The following MOV10L1 variants were observed in gnomAD, a reference collection of about 807,000 sequenced individuals.
MOV10L1 encodes the protein RNA helicase Mov10l1.
In MOV10L1, 110 loss-of-function variants were observed where a neutral mutation model predicts 143.8. The observed-to-expected ratio is 0.76, with a 90% CI of 0.66 to 0.90. MOV10L1 has a LOEUF of 0.90. MOV10L1 is among the 40% of genes least tolerant of loss of function. The pLI, the probability that MOV10L1 is intolerant of heterozygous loss-of-function variation, is 0.00. For missense variants in MOV10L1, 1,406 were observed against 1,526.8 expected, an observed-to-expected ratio of 0.92 and a Z score of 1.32; for synonymous variants, 593 against 581.1, an observed-to-expected ratio of 1.02 and a Z score of -0.29.
chr22:50,096,195 A>C (rs1281930013), intron 2 of MOV10L1: 1 of 152,224 alleles, frequency 6.6e-6, no homozygotes, highest in Non-Finnish European at 1.5e-5. Flanking sequence ...CCCATTAAAC[A>C]GTTATTCAGT....
In MOV10L1 at chr22:50,108,271, C is replaced by T. The variant is rs531786148; in HGVS notation, c.555+23C>T. ...AAGGTAGCGTGCCGACTAGTGGCTC[C>T]TCTCTGTGCTTCTGGCAGACCTGCC... On this transcript the variant is annotated intron_variant, in intron 4 of 26. Coordinates refer to ENST00000262794, the MANE Select transcript of MOV10L1 (RefSeq NM_018995.3). 1.1e-5 allele frequency: 17 copies of T among 1,590,650 alleles called. No homozygotes were observed. The African/African-American group carries it at 2.1e-4, about 20-fold the overall frequency.
intron 16 of MOV10L1, 21 bp from the exon 17 acceptor site, chr22:50,143,022 C>T (rs2063035156): frequency 2.5e-6 from 4 of 1,610,780 alleles, no homozygotes; most frequent in Non-Finnish European, 3.4e-6. Context: ...CTAACTGAAA[C>T]TTTCTTCACT....
At chr22:50,108,991 A>C in intron 5 of MOV10L1, 147 bp downstream of exon 5, 1 of 726,120 alleles carries the variant, frequency 1.4e-6, no homozygotes, top group Non-Finnish European at 2.2e-6. Context: ...CTAAAAGTAC[A>C]AAATTAGCTG....
rs371201252 is a variant in MOV10L1, at chr22:50,091,984, T to A, written c.98-17T>A. On this transcript the variant is annotated splice_polypyrimidine_tract_variant and intron_variant, in intron 1 of 26. Coordinates refer to ENST00000262794, the MANE Select transcript of MOV10L1 (RefSeq NM_018995.3). Reference sequence around the variant, plus strand: ...TGCTTTTATGGCCAAGATAACTTCTTTGTTTACCTACCTCAGGTGACACTA... The same window carrying A: ...TGCTTTTATGGCCAAGATAACTTCTATGTTTACCTACCTCAGGTGACACTA... 274 of 1,607,706 alleles carry A rather than the reference T, an allele frequency of 1.7e-4. 3 individuals are homozygous for A. The African/African-American group carries it at 3.0e-3, about 18-fold the overall frequency.
In MOV10L1 at chr22:50,111,938, CA is replaced by C. The variant is rs531464346; in HGVS notation, c.744-1709del. On this transcript the variant is annotated intron_variant, in intron 5 of 26. Transcript: ENST00000262794. ...GGGGAAAGCGTCTGCTTTCCAGCCC[CA>C]TATCTGGTGCCTGGCTGGGCCTCTG... 4.0e-4 allele frequency among the ~76,000 whole-genome samples: 61 copies of C among 152,338 alleles called. 1 individual carries two copies. The highest frequency in any genetic ancestry group is 1.4e-3 in the African/African-American group (59 of 41,590).
At chr22:50,142,328 ACCCT>A in intron 16 of MOV10L1, 139 bp downstream of exon 16, 1 of 571,928 alleles carries the variant, frequency 1.7e-6, no homozygotes, top group Non-Finnish European at 3.0e-6. Flanking sequence ...TGCCGTCTCC[ACCCT>A]GACTGGAGAC....
chr22:50,129,800 A>G (rs1312870424), intron 13 of MOV10L1, among the ~76,000 whole-genome samples: 1 of 152,168 alleles, frequency 6.6e-6, no homozygotes, highest in African/African-American at 2.4e-5. Flanking sequence ...CAAGGCTGAG[A>G]ATCTTCTTGT....
rs572749730 is a variant in MOV10L1, at chr22:50,090,622, T to C, written c.97+437T>C. ...CTTGTCTGGTTTTCAAGCCCATCTT[T>C]CTAAAGCCCGGGATGCGCCCGGATG... On this transcript the variant is annotated intron_variant, in intron 1 of 26. Coordinates refer to ENST00000262794, the MANE Select transcript of MOV10L1 (RefSeq NM_018995.3). 569 of 1,415,332 alleles carry C rather than the reference T, an allele frequency of 4.0e-4. 1 individual carries two copies. Among genetic ancestry groups the C allele is most frequent in the Non-Finnish European group, 4.3e-4 (442 of 1,023,404 alleles). The allele number at this position is 1,415,332 out of a possible 1,614,324, so 87.7% of individuals were successfully genotyped here.
rs774972595 is a variant in MOV10L1 at position 50,160,677 on chromosome 22, T to C, written c.3325-11T>C. The C allele has an allele frequency of 6.2e-7, 1 of 1,610,838 alleles. No homozygotes were observed. The highest frequency in any genetic ancestry group is 2.2e-5 in the East Asian group (1 of 44,832). ...CAAGTGCCATTTTTATTCATCTCTG[T>C]GTGCTTTTAGGTACGGTCAAATGAA... On this transcript the variant is annotated splice_polypyrimidine_tract_variant and intron_variant, in intron 24 of 26. Transcript: ENST00000262794.
chr22:50,114,762 C>T (rs1602194775), intron 7 of MOV10L1, 140 bp downstream of exon 7: 2 of 1,292,350 alleles, frequency 1.5e-6, no homozygotes, highest in Admixed American at 2.5e-5. Flanking sequence ...TCTTCGGCTT[C>T]AGGCCCTTCT....
intron 19 of MOV10L1, among the ~76,000 whole-genome samples, chr22:50,148,941 G>T (rs572384291): frequency 1.1e-4 from 16 of 152,344 alleles, no homozygotes; most frequent in African/African-American, 3.6e-4. Flanking sequence ...TGGCATTACA[G>T]GCGTGAGCCA....
chr22:50,124,834 G>A (rs2147218052), intron 10 of MOV10L1, among the ~76,000 whole-genome samples: 1 of 152,296 alleles, frequency 6.6e-6, no homozygotes, highest in East Asian at 1.9e-4. Flanking sequence ...TCTGTGCTGG[G>A]GCCTAGGAGC....
At chr22:50,098,561 G>A (rs62241085) in intron 2 of MOV10L1, among the ~76,000 whole-genome samples, 34,065 of 152,054 alleles carry the variant, frequency 0.22, 4,169 homozygotes, top group Admixed American at 0.35. Flanking sequence ...CAAATGTATG[G>A]AAATCTGATT....
At chr22:50,126,465 T>C (rs1014617305) in intron 12 of MOV10L1, among the ~76,000 whole-genome samples, 193 bp downstream of exon 12, 2 of 152,244 alleles carry the variant, frequency 1.3e-5, no homozygotes, top group Non-Finnish European at 2.9e-5. Context: ...TTTTCAACCA[T>C]GTAAAACATA....
intron 18 of MOV10L1, among the ~76,000 whole-genome samples, chr22:50,145,205 G>A (rs890867252): frequency 1.3e-5 from 2 of 152,226 alleles, no homozygotes; most frequent in African/African-American, 4.8e-5. Context: ...GCCTCCCAAA[G>A]TGTTGAGATT....
chr22:50,092,254 TTAATC>T lies in MOV10L1; in HGVS notation c.282+72_282+76del, dbSNP rs1459614953. 3.5e-6 allele frequency: 5 copies of T among 1,440,072 alleles called. No homozygotes were observed. In the African/African-American group the frequency reaches 7.0e-5, roughly 20 times the overall value. 89.2% of individuals were successfully genotyped at this position (1,440,072 alleles called of 1,614,324 possible). A position where few individuals can be genotyped will look rare whatever the true frequency, so the allele number is the denominator to read the frequency against. On this transcript the variant is annotated intron_variant, in intron 2 of 26. Coordinates refer to ENST00000262794, the MANE Select transcript of MOV10L1 (RefSeq NM_018995.3). Reference sequence around the variant, plus strand: ...GACTTTGTGTTGTTTTTCCTTGTGTTTAATCTATCAGACATGACCCGGCCAAGGGA... The same window carrying T: ...GACTTTGTGTTGTTTTTCCTTGTGTTTATCAGACATGACCCGGCCAAGGGA...
At chr22:50,137,083 G>A (rs1213359857) in intron 15 of MOV10L1, among the ~76,000 whole-genome samples, 2 of 152,094 alleles carry the variant, frequency 1.3e-5, no homozygotes, top group Non-Finnish European at 2.9e-5. Context: ...AATATTTATA[G>A]GAATATAAAA....
At chr22:50,147,826 A>G (rs2147392653) in intron 19 of MOV10L1, among the ~76,000 whole-genome samples, 1 of 152,374 alleles carries the variant, frequency 6.6e-6, no homozygotes, top group South Asian at 2.1e-4. Flanking sequence ...AGATGGGGAA[A>G]TGGCAGTTTG....
rs2272840 is a variant in MOV10L1 at position 50,149,724 on chromosome 22, G to C, written c.2727+10G>C. The C allele has an allele frequency of 6.2e-7, 1 of 1,609,150 alleles. No homozygotes were observed. The highest frequency in any genetic ancestry group is 8.5e-7 in the Non-Finnish European group (1 of 1,176,962). ...GGACATCAGTGGCCAGGTAAGTCCC[G>C]ACTACTGTGTGTGCTGCTTCCTCCT... On this transcript the variant is annotated intron_variant, in intron 20 of 26. Coordinates refer to ENST00000262794, the MANE Select transcript of MOV10L1 (RefSeq NM_018995.3).
Sources: allele counts gnomAD v4.1 joint callset (sites outside exome capture counted in the v4.1 genomes callset), GRCh38; gene constraint gnomAD v4.1.1; transcripts MANE v1.5; gene names NCBI Gene and HGNC (gene_info 2026-07-23, HGNC 2026-07-21).